The following DDX10 variants were observed in gnomAD, a reference collection of about 807,000 sequenced individuals.
DDX10 encodes DEAD-box helicase 10.
In DDX10, 74 loss-of-function variants were observed where a neutral mutation model predicts 104.3. The ratio of observed to expected loss-of-function variants is 0.71; its 90% CI spans 0.59 to 0.86. The LOEUF (loss-of-function observed/expected upper bound fraction) is 0.86. DDX10 is among the 40% of genes least tolerant of loss of function. DDX10 has a pLI of 0.00. For synonymous variants in DDX10, 351 were observed against 353.4 expected (o/e 0.99, Z 0.08); for missense variants, 952 against 1,040.0 (o/e 0.92, Z 1.16).
intron 13 of DDX10, among the ~76,000 whole-genome samples, chr11:108,744,811 A>G (rs1052492818): frequency 6.6e-6 from 1 of 152,176 alleles, no homozygotes; most frequent in African/African-American, 2.4e-5. Context: ...AATATTTTTA[A>G]TTTGGCCTAG....
intron 16 of DDX10, among the ~76,000 whole-genome samples, chr11:108,886,809 A>T (rs2726899): frequency 0.23 from 35,500 of 152,036 alleles, 4,572 homozygotes; most frequent in African/African-American, 0.33. Context: ...TTATTCCATG[A>T]GTCATATAAA....
intron 13 of DDX10, among the ~76,000 whole-genome samples, chr11:108,796,012 G>T (rs1861936173): frequency 6.6e-6 from 1 of 152,100 alleles, no homozygotes; most frequent in Admixed American, 6.6e-5. Flanking sequence ...GAAGTGTTCA[G>T]TTTCTTTTTA....
At chr11:108,818,361 A>G (rs17108608) in intron 13 of DDX10, among the ~76,000 whole-genome samples, 13 of 152,170 alleles carry the variant, frequency 8.5e-5, no homozygotes, top group Admixed American at 7.2e-4. Flanking sequence ...CATAGTAACT[A>G]TTGTGATCAG....
At chr11:108,699,845 C>G (rs2094265126) in intron 9 of DDX10, among the ~76,000 whole-genome samples, 1 of 152,188 alleles carries the variant, frequency 6.6e-6, no homozygotes, top group African/African-American at 2.4e-5. Flanking sequence ...GGGATCTCCA[C>G]TATAGCTCCC....
chr11:108,726,924 T>A (rs2094306049), intron 13 of DDX10, among the ~76,000 whole-genome samples: 1 of 152,122 alleles, frequency 6.6e-6, no homozygotes, highest in South Asian at 2.1e-4. Flanking sequence ...AGATGCTTTT[T>A]CTGTAAACAT....
At chr11:108,672,948 T>C (rs1022849384) in intron 1 of DDX10, among the ~76,000 whole-genome samples, 2 of 152,260 alleles carry the variant, frequency 1.3e-5, no homozygotes, top group East Asian at 1.9e-4. Context: ...TGAATAGTTA[T>C]CAGGTTGGAT....
At chr11:108,715,342 T>A (rs200243284) in intron 10 of DDX10, among the ~76,000 whole-genome samples, 2 of 152,088 alleles carry the variant, frequency 1.3e-5, no homozygotes, top group African/African-American at 4.8e-5. Flanking sequence ...AGTGAGACCA[T>A]GTCTCTGCAA....
At chr11:108,870,495 C>G (rs1485770499) in intron 16 of DDX10, among the ~76,000 whole-genome samples, 2 of 152,198 alleles carry the variant, frequency 1.3e-5, no homozygotes, top group Admixed American at 6.5e-5. Flanking sequence ...CACTAACTCT[C>G]TTAACTTTAG....
At chr11:108,750,332 T>C (rs1315245519) in intron 13 of DDX10, among the ~76,000 whole-genome samples, 2 of 152,202 alleles carry the variant, frequency 1.3e-5, no homozygotes, top group East Asian at 3.8e-4. Flanking sequence ...TGAAAGACAG[T>C]TATATAGTTG....
At chr11:108,675,754 G>C (rs373661010) in intron 3 of DDX10, 28 bp downstream of exon 3, 1 of 1,610,008 alleles carries the variant, frequency 6.2e-7, no homozygotes, top group South Asian at 1.1e-5. Context: ...GGGTCAGACT[G>C]TCTGTTATAC....
chr11:108,925,916 C>T (rs1227691331), intron 17 of DDX10, among the ~76,000 whole-genome samples: 2 of 152,084 alleles, frequency 1.3e-5, no homozygotes, highest in Non-Finnish European at 2.9e-5. Context: ...ATTTGAAGGA[C>T]TAATGAAGAG....
intron 13 of DDX10, among the ~76,000 whole-genome samples, chr11:108,743,563 A>G (rs1399415647): frequency 1.3e-5 from 2 of 152,170 alleles, no homozygotes; most frequent in Non-Finnish European, 2.9e-5. Flanking sequence ...ATTGTATTGA[A>G]CTATTAGTAA....
intron 13 of DDX10, among the ~76,000 whole-genome samples, chr11:108,779,328 A>C (rs547659649): frequency 1.3e-5 from 2 of 152,362 alleles, no homozygotes; most frequent in South Asian, 2.1e-4. Flanking sequence ...AAAATGTGGC[A>C]CATATACCCT....
chr11:108,759,791 T>C (rs1651254978), intron 13 of DDX10, among the ~76,000 whole-genome samples: 2 of 151,990 alleles, frequency 1.3e-5, no homozygotes, highest in South Asian at 2.1e-4. Context: ...CAGAGTAGGA[T>C]GTGGCAGTAA....
chr11:108,825,223 T>C (rs938267138), intron 13 of DDX10, among the ~76,000 whole-genome samples: 2 of 152,082 alleles, frequency 1.3e-5, no homozygotes, highest in African/African-American at 4.8e-5. Flanking sequence ...AAGACAAATA[T>C]GTTGTAGGTG....
At chr11:108,680,531 A>G (rs1055404585) in intron 6 of DDX10, among the ~76,000 whole-genome samples, 3 of 152,202 alleles carry the variant, frequency 2.0e-5, no homozygotes, top group East Asian at 1.9e-4. Flanking sequence ...GATATGTTTT[A>G]AGTTGTATTT....
At chr11:108,913,295 C>G (rs1230090979) in intron 16 of DDX10, among the ~76,000 whole-genome samples, 2 of 152,038 alleles carry the variant, frequency 1.3e-5, no homozygotes, top group African/African-American at 2.4e-5. Flanking sequence ...AGGGAGGGGA[C>G]TTCCAGGTCA....
chr11:108,940,187 T>C (rs1864088626), intron 17 of DDX10, 59 bp from the exon 18 acceptor site: 1 of 1,544,234 alleles, frequency 6.5e-7, no homozygotes, highest in Non-Finnish European at 8.8e-7. Flanking sequence ...TTTTGTCCTA[T>C]TTTAAATGTT....
intron 17 of DDX10, among the ~76,000 whole-genome samples, chr11:108,936,740 A>G (rs904900454): frequency 2.0e-5 from 3 of 152,288 alleles, no homozygotes; most frequent in Admixed American, 2.0e-4. Flanking sequence ...TAACTTTCTG[A>G]AATTAAAAGT....
Sources: gnomAD v4.1 joint callset for allele counts (sites outside exome capture counted in the v4.1 genomes callset) on GRCh38, gnomAD v4.1.1 for gene constraint, MANE v1.5 for transcripts, NCBI Gene and HGNC (gene_info 2026-07-23, HGNC 2026-07-21) for gene names.